SAMD14: variants seen among roughly 807,000 people sequenced by gnomAD.
SAMD14 encodes the protein sterile alpha motif domain-containing protein 14.
A neutral mutation model predicts 46.2 loss-of-function variants in SAMD14; 27 were observed. That is an observed-to-expected ratio of 0.58 (90% confidence interval 0.43 to 0.81). The LOEUF is 0.81. SAMD14 is among the 30% of genes least tolerant of loss of function. The pLI is 0.00. For synonymous variants in SAMD14, 241 were observed against 254.3 expected (o/e 0.95, Z 0.50); for missense variants, 559 against 582.2 (o/e 0.96, Z 0.41).
At chr17:50,127,312 CCACCTCT>C (rs1428424161) in intron 1 of SAMD14, among the ~76,000 whole-genome samples, 1 of 151,476 alleles carries the variant, frequency 6.6e-6, no homozygotes, top group African/African-American at 2.4e-5. Context: ...AGCATCAAAA[CCACCTCT>C]AGGCTGGGCG....
chr17:50,125,073 G>A, intron 1 of SAMD14, 102 bp from the exon 2 acceptor site: 5 of 1,015,994 alleles, frequency 4.9e-6, no homozygotes, highest in Non-Finnish European at 7.7e-6. Context: ...CTCCAGGCCT[G>A]TTGGCCCCTC....
chr17:50,117,129 C>A (rs1035445717), intron 4 of SAMD14, among the ~76,000 whole-genome samples: 5 of 152,206 alleles, frequency 3.3e-5, no homozygotes, highest in Non-Finnish European at 7.3e-5. Context: ...GGATTACAGG[C>A]GTGAGCCGCC....
In SAMD14 at chr17:50,118,362, C is replaced by A. The variant is rs780960762; in HGVS notation, c.44-35G>T. 3.1e-6 allele frequency: 5 copies of A among 1,604,238 alleles called. No homozygotes were observed. In the Admixed American group the frequency reaches 8.4e-5, roughly 27 times the overall value. On this transcript the variant is annotated intron_variant, in intron 2 of 9. Coordinates refer to ENST00000330175, the MANE Select transcript of SAMD14 (RefSeq NM_001257359.2). ...GGGGGAGGGGAGCAGAGACCAGACA[C>A]ATGAGAGGTGACGGCAAGCCCAGAG...
At chr17:50,124,801 A>ACACG in intron 2 of SAMD14, 116 bp downstream of exon 2, 1 of 984,180 alleles carries the variant, frequency 1.0e-6, no homozygotes, top group East Asian at 2.4e-5. Flanking sequence ...ACACACACAC[A>ACACG]CACACACTCT....
chr17:50,113,110 G>A (rs936570752), intron 9 of SAMD14, 62 bp from the exon 10 acceptor site: 23 of 1,577,584 alleles, frequency 1.5e-5, no homozygotes, highest in African/African-American at 6.8e-5. Flanking sequence ...GGCCTCCCAC[G>A]CCCAGGCTCC....
At chr17:50,125,883 G>C (rs1042760863) in intron 1 of SAMD14, among the ~76,000 whole-genome samples, 9 of 152,202 alleles carry the variant, frequency 5.9e-5, no homozygotes, top group African/African-American at 2.2e-4. Context: ...CTATGTTCTG[G>C]GAAGAAGTGT....
Position 50,128,295 on chromosome 17 carries a change from A to C in SAMD14, c.-13+1222T>G, listed in dbSNP as rs373659862. ...TTCTCGGTCCATCCTGATTCAGCAC[A>C]AACTGCTCTCTTTTCTTCCCTTCAA... On this transcript the variant is annotated intron_variant, in intron 1 of 9. Transcript: ENST00000330175. 9.2e-5 allele frequency among the ~76,000 whole-genome samples: 14 copies of C among 152,178 alleles called. No homozygotes were observed. In the East Asian group the frequency reaches 2.3e-3, roughly 25 times the overall value.
chr17:50,128,269 A>G (rs1911867008), intron 1 of SAMD14, among the ~76,000 whole-genome samples: 1 of 152,004 alleles, frequency 6.6e-6, no homozygotes. Flanking sequence ...GCTCAAAGCC[A>G]TTCTCGGTCC....
intron 2 of SAMD14, among the ~76,000 whole-genome samples, chr17:50,120,855 C>T (rs1439132030): frequency 6.6e-6 from 1 of 152,214 alleles, no homozygotes; most frequent in African/African-American, 2.4e-5. Flanking sequence ...CCTTCCCTGA[C>T]CACCCAATTT....
intron 9 of SAMD14, chr17:50,113,345 G>T: frequency 2.7e-6 from 1 of 375,644 alleles, no homozygotes; most frequent in Non-Finnish European, 4.9e-6. Flanking sequence ...ACCTCCTGAG[G>T]CCCAGAGATG....
rs893232732 is a variant in SAMD14 at position 50,111,799 on chromosome 17, TC to T, written c.*1093del. 6.6e-6 allele frequency: 1 copy of T among 151,992 alleles called. No individual in the cohort carries two copies. Among genetic ancestry groups the T allele is most frequent in the African/African-American group, 2.4e-5 (1 of 41,334 alleles). 9.4% of individuals were successfully genotyped at this position (151,992 alleles called of 1,614,324 possible). ...TGCTGTCCCCAGGCTGCTGGTAAAC[TC>T]CACCCCCATCCAGGGAGCTGGCCCC... On this transcript the variant is annotated 3_prime_UTR_variant, in exon 10 of 10. Coordinates refer to ENST00000330175, the MANE Select transcript of SAMD14 (RefSeq NM_001257359.2).
chr17:50,110,096 A>G lies in SAMD14; in HGVS notation c.*2797T>C, dbSNP rs566718363. The G allele has an allele frequency of 1.7e-5, 28 of 1,600,224 alleles. No individual in the cohort carries two copies. The East Asian group carries it at 3.6e-4, about 21-fold the overall frequency. On this transcript the variant is annotated 3_prime_UTR_variant, in exon 10 of 10. Transcript: ENST00000330175. ...AACACGTCCACGTACCGCGTCAGCT[A>G]AGGGCCGCCGTGCATCTGCACCTGA...
Position 50,130,134 on chromosome 17 carries a change from C to G in SAMD14, c.-630G>C, listed in dbSNP as rs1346487622. Among the ~76,000 whole-genome samples the G allele has an allele frequency of 6.6e-6, 1 of 152,050 alleles. No individual in the cohort carries two copies. The highest frequency in any genetic ancestry group is 1.5e-5 in the Non-Finnish European group (1 of 67,972). ...GGGCCGGGGAGCGGAGTTGCAGCTA[C>G]TTCTCTGCCCGCGGGAGACGCGGCG... is the stretch of plus-strand genomic sequence containing the variant. On this transcript the variant is annotated 5_prime_UTR_variant, in exon 1 of 10. Transcript: ENST00000330175. The surrounding 1 kb of genome is among the most constrained non-coding windows in gnomAD (Gnocchi z 4.1).
At chr17:50,117,314 T>G in intron 4 of SAMD14, 93 bp downstream of exon 4, 1 of 1,188,240 alleles carries the variant, frequency 8.4e-7, no homozygotes, top group Middle Eastern at 3.1e-4. Flanking sequence ...CCTGCTCAGC[T>G]GCCCCTTCCG....
chr17:50,114,206 A>G lies in SAMD14; in HGVS notation c.923T>C (p.Leu308Pro). The G allele has an allele frequency of 1.9e-6, 3 of 1,614,158 alleles. No individual in the cohort carries two copies. The highest frequency in any genetic ancestry group is 2.5e-6 in the Non-Finnish European group (3 of 1,180,024). Residue 308 changes from leucine to proline, a missense_variant, in exon 8 of 10, where the codon CTG becomes CCG. By Grantham distance (98) the Leu-to-Pro change is moderately conservative. Transcript: ENST00000330175. ...EAKCSYPYHT[L>P]SQSSDEFLDE... Reference sequence around the variant, plus strand: ...GCTCACCTCATCTGAAGACTGAGACAGCGTGTGGTAGGGGTAAGAACATTT... The same window carrying G: ...GCTCACCTCATCTGAAGACTGAGACGGCGTGTGGTAGGGGTAAGAACATTT...
At chr17:50,114,757 C>T in intron 7 of SAMD14, 1 of 240,352 alleles carries the variant, frequency 4.2e-6, no homozygotes, top group African/African-American at 2.2e-5. Context: ...TCCCAGTGAC[C>T]AGCATAAGGG....
intron 2 of SAMD14, among the ~76,000 whole-genome samples, chr17:50,119,395 C>T (rs1393004630): frequency 6.6e-6 from 1 of 152,162 alleles, no homozygotes; most frequent in Non-Finnish European, 1.5e-5. Flanking sequence ...CCTCCCCACT[C>T]CACCCAGCAT....
In SAMD14 at chr17:50,111,417, G is replaced by A. The variant is rs1259465166; in HGVS notation, c.*1476C>T. The A allele has an allele frequency of 6.6e-6, 1 of 152,234 alleles. No individual in the cohort carries two copies. The highest frequency in any genetic ancestry group is 2.4e-5 in the African/African-American group (1 of 41,446). 9.4% of individuals were successfully genotyped at this position (152,234 alleles called of 1,614,324 possible). On this transcript the variant is annotated 3_prime_UTR_variant, in exon 10 of 10. Coordinates refer to ENST00000330175, the MANE Select transcript of SAMD14 (RefSeq NM_001257359.2). ...AGCTACTGATGGCTTTAAGGATGTG[G>A]GTGCCTTCCAACCTCCCATGGCCCT...
Position 50,114,208 on chromosome 17 carries a change from C to T in SAMD14, c.921G>A (p.Thr307=), listed in dbSNP as rs767097289. 14 of 1,614,026 alleles carry T rather than the reference C, an allele frequency of 8.7e-6. No homozygotes were observed. The highest frequency in any genetic ancestry group is 5.0e-5 in the Admixed American group (3 of 60,002). ...QEAKCSYPYH[T]LSQSSDEFLD... is the part of the protein sequence containing the mutation. ...TCACCTCATCTGAAGACTGAGACAGCGTGTGGTAGGGGTAAGAACATTTGG... is the reference window on the plus strand; with the variant it reads ...TCACCTCATCTGAAGACTGAGACAGTGTGTGGTAGGGGTAAGAACATTTGG... Residue 307 remains threonine (T), a synonymous_variant, in exon 8 of 10, where the codon ACG becomes ACA. Coordinates refer to ENST00000330175, the MANE Select transcript of SAMD14 (RefSeq NM_001257359.2).
Sources: gnomAD v4.1 joint callset for allele counts (sites outside exome capture counted in the v4.1 genomes callset) on GRCh38, gnomAD v4.1.1 for gene constraint, Gnocchi (gnomAD v3.1) non-coding constraint, MANE v1.5 for transcripts, NCBI Gene and HGNC (gene_info 2026-07-23, HGNC 2026-07-21) for gene names.